The following SLCO1C1 variants were observed in gnomAD, a reference collection of about 807,000 sequenced individuals.
SLCO1C1 encodes solute carrier organic anion transporter family member 1C1, also known as OAT-RP-5.
Under a neutral mutation model 76.4 loss-of-function variants are expected in SLCO1C1, and 70 were observed. The observed-to-expected ratio is 0.92, with a 90% CI of 0.76 to 1.12. The LOEUF (loss-of-function observed/expected upper bound fraction) is 1.12. Ranked by LOEUF, SLCO1C1 falls within the 50% of genes most tolerant of loss-of-function variation. SLCO1C1 has a pLI of 0.00. For missense variants in SLCO1C1, 912 were observed against 823.8 expected (o/e 1.11, Z -1.31); for synonymous variants, 306 against 286.1 (o/e 1.07, Z -0.70).
chr12:20,723,045 G>A lies in SLCO1C1; in HGVS notation c.1022-45G>A, dbSNP rs559460240. On this transcript the variant is annotated intron_variant, in intron 8 of 14. Coordinates refer to ENST00000266509, the MANE Select transcript of SLCO1C1 (RefSeq NM_017435.5). ...CCAGCACGGCTACTTCTTCTTCCAT[G>A]CGTGACACCAACTTTAATTAGTCTA... 288 of 1,547,322 alleles carry A rather than the reference G, an allele frequency of 1.9e-4. 4 individuals carry two copies. The South Asian group carries it at 3.3e-3, about 18-fold the overall frequency.
chr12:20,728,791 C>T (rs1948146362), intron 9 of SLCO1C1, among the ~76,000 whole-genome samples: 2 of 151,934 alleles, frequency 1.3e-5, no homozygotes, highest in African/African-American at 2.4e-5. Flanking sequence ...TTTACACATC[C>T]TTCATAACTC....
intron 4 of SLCO1C1, among the ~76,000 whole-genome samples, chr12:20,707,474 C>G (rs191132173): frequency 1.3e-5 from 2 of 152,120 alleles, no homozygotes; most frequent in Non-Finnish European, 2.9e-5. Context: ...TTACACCAGA[C>G]TTAAATCACT....
intron 4 of SLCO1C1, among the ~76,000 whole-genome samples, chr12:20,710,110 G>T (rs1180653097): frequency 6.6e-6 from 1 of 150,892 alleles, no homozygotes; most frequent in Admixed American, 6.6e-5. Flanking sequence ...GCACAAAACA[G>T]ATTTAAGGTA....
At chr12:20,711,556 G>T (rs1176614261) in intron 5 of SLCO1C1, 46 bp downstream of exon 5, 1 of 1,571,992 alleles carries the variant, frequency 6.4e-7, no homozygotes, top group Non-Finnish European at 8.7e-7. Context: ...TTAAAAAAAA[G>T]ACTTTATATG....
rs1515774 is a variant in SLCO1C1 at position 20,718,000 on chromosome 12, C to A, written c.775+770C>A. On this transcript the variant is annotated intron_variant, in intron 7 of 14. Coordinates refer to ENST00000266509, the MANE Select transcript of SLCO1C1 (RefSeq NM_017435.5). ...GAAAGCAAAATTCTTGCATTTAAAT[C>A]AAATAAACTACAAGTGAAGCTTCAA... Among the ~76,000 whole-genome samples, 915 of 152,164 alleles carry A rather than the reference C, an allele frequency of 6.0e-3. 12 individuals carry two copies. Among genetic ancestry groups the A allele is most frequent in the African/African-American group, 0.021 (889 of 41,528 alleles).
chr12:20,740,303 A>G lies in SLCO1C1; in HGVS notation c.1668A>G (p.Val556=). Residue 556 remains valine, a synonymous_variant, in exon 12 of 15, where the codon GTA becomes GTG. Transcript: ENST00000266509. ...CCCAAATGTTTCTGTATTTCCTTGT[A>G]ATTTCAGTCATCACATCCTATACTT... is the stretch of plus-strand genomic sequence containing the variant. The part of the protein sequence containing the change: ...GCPQMFLYFL[V]ISVITSYTLS... 1 of 1,613,954 alleles carries G rather than the reference A, an allele frequency of 6.2e-7. No individual in the cohort carries two copies. Among genetic ancestry groups the G allele is most frequent in the Non-Finnish European group, 8.5e-7 (1 of 1,179,942 alleles).
intron 13 of SLCO1C1, among the ~76,000 whole-genome samples, chr12:20,744,852 G>A (rs1948968117): frequency 1.3e-5 from 2 of 152,022 alleles, no homozygotes; most frequent in African/African-American, 4.8e-5. Context: ...TTTTATAATA[G>A]CAAAAAACTG....
chr12:20,722,175 T>C (rs1947710007), intron 8 of SLCO1C1, 126 bp downstream of exon 8: 2 of 1,241,174 alleles, frequency 1.6e-6, no homozygotes, highest in Admixed American at 2.8e-5. Flanking sequence ...GAAGCAAAAA[T>C]GGAAATTGAT....
intron 13 of SLCO1C1, among the ~76,000 whole-genome samples, chr12:20,746,553 T>C (rs576031844): frequency 1.3e-5 from 2 of 152,216 alleles, no homozygotes; most frequent in South Asian, 4.1e-4. Context: ...AACTTCATAA[T>C]GGAGGGATCA....
chr12:20,752,565 T>C lies in SLCO1C1; in HGVS notation c.*37T>C. Reference sequence around the variant, plus strand: ...CTGGAAGTCATGTCTTCTAATTGGTTGACATTTTGCAAACAAATAAATTGT... The same window carrying C: ...CTGGAAGTCATGTCTTCTAATTGGTCGACATTTTGCAAACAAATAAATTGT... On this transcript the variant is annotated 3_prime_UTR_variant, in exon 15 of 15. Coordinates refer to ENST00000266509, the MANE Select transcript of SLCO1C1 (RefSeq NM_017435.5). 1 of 1,485,664 alleles carries C rather than the reference T, an allele frequency of 6.7e-7. No homozygotes were observed. The highest frequency in any genetic ancestry group is 1.3e-5 in the South Asian group (1 of 74,978). 92.0% of individuals were successfully genotyped at this position (1,485,664 alleles called of 1,614,324 possible). A position where few individuals can be genotyped will look rare whatever the true frequency, so the allele number is the denominator to read the frequency against.
At chr12:20,720,938 G>A (rs944752110) in intron 7 of SLCO1C1, among the ~76,000 whole-genome samples, 2 of 150,904 alleles carry the variant, frequency 1.3e-5, no homozygotes, top group Admixed American at 6.6e-5. Flanking sequence ...CGGAGGTTGT[G>A]GTGGGCCGAG....
chr12:20,729,791 AAG>A (rs1170309452), intron 9 of SLCO1C1, among the ~76,000 whole-genome samples: 4 of 152,062 alleles, frequency 2.6e-5, no homozygotes, highest in Non-Finnish European at 5.9e-5. Context: ...AAGTGTGAGA[AAG>A]AGGGTAGAGG....
At chr12:20,717,648 C>CTTTTTTTTTT (rs534946900) in intron 7 of SLCO1C1, among the ~76,000 whole-genome samples, 32 of 42,314 alleles carry the variant, frequency 7.6e-4, no homozygotes, top group South Asian at 1.2e-3. Context: ...AACAGCCCTT[C>CTTTTTTTTTT]TTTTTTTTTT....
chr12:20,699,415 T>C (rs908998775), intron 1 of SLCO1C1, 137 bp from the exon 2 acceptor site: 3 of 672,284 alleles, frequency 4.5e-6, no homozygotes, highest in African/African-American at 1.9e-5. Flanking sequence ...TTGAAAACAT[T>C]TGCCAACTTA....
chr12:20,745,432 T>C (rs1004900361), intron 13 of SLCO1C1, among the ~76,000 whole-genome samples: 2 of 152,110 alleles, frequency 1.3e-5, no homozygotes, highest in South Asian at 2.1e-4. Flanking sequence ...TATTTTTATG[T>C]TGAAACTATT....
At chr12:20,716,109 C>T (rs1036729557) in intron 6 of SLCO1C1, among the ~76,000 whole-genome samples, 4 of 152,138 alleles carry the variant, frequency 2.6e-5, no homozygotes, top group African/African-American at 4.8e-5. Flanking sequence ...CATTGAGGGG[C>T]GCTACAGCTA....
chr12:20,730,837 C>T (rs1948228913), intron 9 of SLCO1C1, among the ~76,000 whole-genome samples: 1 of 152,160 alleles, frequency 6.6e-6, no homozygotes, highest in South Asian at 2.1e-4. Flanking sequence ...CTGCAGTCCC[C>T]AGCTGCACAA....
At chr12:20,706,893 G>A (rs1217893976) in intron 4 of SLCO1C1, among the ~76,000 whole-genome samples, 1 of 152,090 alleles carries the variant, frequency 6.6e-6, no homozygotes, top group Non-Finnish European at 1.5e-5. Flanking sequence ...AAAAGGTTTT[G>A]GAGTAAGAGA....
At chr12:20,708,259 T>C (rs1186252565) in intron 4 of SLCO1C1, among the ~76,000 whole-genome samples, 1 of 152,116 alleles carries the variant, frequency 6.6e-6, no homozygotes, top group Admixed American at 6.5e-5. Flanking sequence ...GGCTGTTTAG[T>C]TTTATGTATT....
Sources: gnomAD v4.1 joint callset for allele counts (sites outside exome capture counted in the v4.1 genomes callset) on GRCh38, gnomAD v4.1.1 for gene constraint, MANE v1.5 for transcripts, NCBI Gene and HGNC (gene_info 2026-07-23, HGNC 2026-07-21) for gene names.